The following NDFIP2 variants were observed in gnomAD, a reference collection of about 807,000 sequenced individuals.
NDFIP2 encodes the protein Nedd4 family interacting protein 2.
In NDFIP2, 19 loss-of-function variants were observed where a neutral mutation model predicts 36.0. That is an observed-to-expected ratio of 0.53 (90% CI 0.37 to 0.77). The LOEUF is 0.77. NDFIP2 is among the 30% of genes least tolerant of loss of function. The probability of loss-of-function intolerance (pLI) is 0.00; values close to 1 mark genes in which losing one functional copy is unlikely to be tolerated. For missense variants in NDFIP2, 446 were observed against 435.8 expected (o/e 1.02, Z -0.21); for synonymous variants, 181 against 167.7 (o/e 1.08, Z -0.61).
Position 79,554,848 on chromosome 13 carries a change from T to C in NDFIP2, c.*2335T>C, listed in dbSNP as rs920186941. 1 of 151,976 alleles carries C rather than the reference T, an allele frequency of 6.6e-6. No individual in the cohort carries two copies. Among genetic ancestry groups the C allele is most frequent in the South Asian group, 2.1e-4 (1 of 4,834 alleles). 9.4% of individuals were successfully genotyped at this position (151,976 alleles called of 1,614,324 possible). On this transcript the variant is annotated 3_prime_UTR_variant, in exon 8 of 8. Transcript: ENST00000218652. ...GGGATTGGAAGTTAATACAAAAAAA[T>C]TTCAAATTATTTCTATTGTAAATGA...
chr13:79,513,963 G>A (rs192373699), intron 1 of NDFIP2, among the ~76,000 whole-genome samples: 50 of 152,256 alleles, frequency 3.3e-4, no homozygotes, highest in Admixed American at 1.3e-3. Context: ...GTGCCATATA[G>A]AGCATGTTGT....
At chr13:79,489,606 A>G (rs138225518) in intron 1 of NDFIP2, among the ~76,000 whole-genome samples, 3 of 152,330 alleles carry the variant, frequency 2.0e-5, no homozygotes, top group Non-Finnish European at 4.4e-5. Context: ...CAGCTTAGTC[A>G]GGTAACTCCA....
intron 2 of NDFIP2, among the ~76,000 whole-genome samples, chr13:79,522,570 TCTCTC>T (rs1342590326): frequency 1.3e-5 from 2 of 152,222 alleles, no homozygotes; most frequent in African/African-American, 4.8e-5. Context: ...ACTATGCTCT[TCTCTC>T]CTAGAGTCTT....
At chr13:79,488,722 A>G (rs924534192) in intron 1 of NDFIP2, among the ~76,000 whole-genome samples, 1 of 152,196 alleles carries the variant, frequency 6.6e-6, no homozygotes, top group African/African-American at 2.4e-5. Context: ...GTGTTGGTTA[A>G]TAAGACAGTT....
chr13:79,527,217 A>G (rs917544132), intron 2 of NDFIP2, among the ~76,000 whole-genome samples: 5 of 152,208 alleles, frequency 3.3e-5, no homozygotes, highest in Non-Finnish European at 5.9e-5. Flanking sequence ...CATTAAATAC[A>G]TTTTCAAATG....
intron 2 of NDFIP2, among the ~76,000 whole-genome samples, chr13:79,524,051 A>G (rs1874693998): frequency 6.6e-6 from 1 of 152,192 alleles, no homozygotes; most frequent in African/African-American, 2.4e-5. Context: ...TTGACATTTA[A>G]TGTCCGTGCC....
At chr13:79,516,710 A>T (rs1248468647) in intron 1 of NDFIP2, among the ~76,000 whole-genome samples, 1 of 152,090 alleles carries the variant, frequency 6.6e-6, no homozygotes, top group Non-Finnish European at 1.5e-5. Flanking sequence ...CCTACATCCA[A>T]ATTAAAACAG....
At chr13:79,509,034 A>G (rs1369926916) in intron 1 of NDFIP2, among the ~76,000 whole-genome samples, 1 of 151,156 alleles carries the variant, frequency 6.6e-6, no homozygotes, top group East Asian at 1.9e-4. Context: ...TAGAGTTAGC[A>G]TTTTTTTTTA....
At chr13:79,542,376 G>T (rs1875488379) in intron 4 of NDFIP2, among the ~76,000 whole-genome samples, 1 of 152,134 alleles carries the variant, frequency 6.6e-6, no homozygotes, top group African/African-American at 2.4e-5. Context: ...ATTCTGATTT[G>T]TAAGAAATTG....
chr13:79,491,032 C>T (rs1332097860), intron 1 of NDFIP2, among the ~76,000 whole-genome samples: 1 of 152,190 alleles, frequency 6.6e-6, no homozygotes, highest in Non-Finnish European at 1.5e-5. Context: ...CACAGTACTC[C>T]TTATCGCTGT....
chr13:79,490,953 A>C (rs1395122002), intron 1 of NDFIP2, among the ~76,000 whole-genome samples: 1 of 152,172 alleles, frequency 6.6e-6, no homozygotes, highest in African/African-American at 2.4e-5. Context: ...TAGAATCTTC[A>C]TTCTGTTAGT....
At chr13:79,528,137 G>A (rs930891590) in intron 2 of NDFIP2, among the ~76,000 whole-genome samples, 5 of 152,048 alleles carry the variant, frequency 3.3e-5, no homozygotes, top group South Asian at 2.1e-4. Context: ...ATGCACACCC[G>A]TAGTCCCAGC....
Position 79,508,353 on chromosome 13 carries a change from G to C in NDFIP2, c.322-12457G>C, listed in dbSNP as rs1786990343. 2.0e-5 allele frequency among the ~76,000 whole-genome samples: 3 copies of C among 152,302 alleles called. No individual in the cohort carries two copies. In the South Asian group the frequency reaches 6.2e-4, roughly 32 times the overall value. ...GAGAGCGTTCTTAGATCTCGTGCAA[G>C]AAAGAAATCAGGGTGAGTCCATAGA... On this transcript the variant is annotated intron_variant, in intron 1 of 7. Coordinates refer to ENST00000218652, the MANE Select transcript of NDFIP2 (RefSeq NM_019080.3).
chr13:79,553,827 G>A lies in NDFIP2; in HGVS notation c.*1314G>A, dbSNP rs537465061. On this transcript the variant is annotated 3_prime_UTR_variant, in exon 8 of 8. Coordinates refer to ENST00000218652, the MANE Select transcript of NDFIP2 (RefSeq NM_019080.3). Reference sequence around the variant, plus strand: ...TATGTCTCATCTGTTTTTCCTTTCGGTTATATCTTTGGTTTTGAATACCAA... The same window carrying A: ...TATGTCTCATCTGTTTTTCCTTTCGATTATATCTTTGGTTTTGAATACCAA... The A allele has an allele frequency of 6.6e-6, 1 of 151,570 alleles. No homozygotes were observed. Among genetic ancestry groups the A allele is most frequent in the Non-Finnish European group, 1.5e-5 (1 of 67,426 alleles). The allele number at this position is 151,570 out of a possible 1,614,324, so 9.4% of individuals were successfully genotyped here.
intron 2 of NDFIP2, among the ~76,000 whole-genome samples, chr13:79,524,538 A>G (rs536837070): frequency 1.3e-5 from 2 of 152,328 alleles, no homozygotes; most frequent in South Asian, 2.1e-4. Flanking sequence ...GGACTGAAGC[A>G]ATGAGGTTAT....
At chr13:79,523,979 G>A (rs914596139) in intron 2 of NDFIP2, among the ~76,000 whole-genome samples, 5 of 152,274 alleles carry the variant, frequency 3.3e-5, no homozygotes, top group African/African-American at 1.2e-4. Flanking sequence ...AGGTTGTAGT[G>A]CTTCAGTGAT....
intron 1 of NDFIP2, among the ~76,000 whole-genome samples, chr13:79,502,296 A>G (rs1335368): frequency 0.41 from 62,117 of 151,982 alleles, 13,519 homozygotes; most frequent in East Asian, 0.7. Flanking sequence ...ATTAAATAAG[A>G]CAGTACATCA....
At chr13:79,518,686 C>T (rs954655031) in intron 1 of NDFIP2, among the ~76,000 whole-genome samples, 4 of 152,210 alleles carry the variant, frequency 2.6e-5, no homozygotes, top group Non-Finnish European at 5.9e-5. Context: ...TATTATTTTA[C>T]AAGCCTATGA....
intron 1 of NDFIP2, among the ~76,000 whole-genome samples, chr13:79,498,869 C>T (rs932774223): frequency 2.6e-5 from 4 of 151,986 alleles, no homozygotes; most frequent in East Asian, 1.9e-4. Context: ...TATTTCAATT[C>T]GCTACAGTCT....
Sources: allele counts gnomAD v4.1 joint callset (sites outside exome capture counted in the v4.1 genomes callset), GRCh38; gene constraint gnomAD v4.1.1; transcripts MANE v1.5; gene names NCBI Gene and HGNC (gene_info 2026-07-23, HGNC 2026-07-21).